Variants in COL5A2 observed in about 807,000 individuals in gnomAD.
COL5A2 encodes the protein collagen alpha-2(V) chain.
COL5A2 carries 23 observed loss-of-function variants against 208.2 expected under a neutral mutation model. That is an observed-to-expected ratio of 0.11 (90% confidence interval 0.08 to 0.16). The LOEUF (loss-of-function observed/expected upper bound fraction) is 0.16, where lower values mean the gene tolerates loss of function less well. Among genes scored for constraint, COL5A2 ranks in the 10% least tolerant of loss-of-function variants. The pLI, the probability that COL5A2 is intolerant of heterozygous loss-of-function variation, is 1.00. For synonymous variants in COL5A2, 625 were observed against 628.5 expected (o/e 0.99, Z 0.08); for missense variants, 1,590 against 1,956.4 (o/e 0.81, Z 3.53).
intron 21 of COL5A2, among the ~76,000 whole-genome samples, chr2:189,067,295 T>C (rs937841810): frequency 6.6e-6 from 1 of 152,128 alleles, no homozygotes; most frequent in Non-Finnish European, 1.5e-5. Flanking sequence ...CCAACTGAAA[T>C]TTAAGTTGTA....
chr2:189,136,852 G>A (rs1687837206), intron 1 of COL5A2, among the ~76,000 whole-genome samples: 1 of 152,012 alleles, frequency 6.6e-6, no homozygotes, highest in South Asian at 2.1e-4. Flanking sequence ...GTTTGGTTCA[G>A]TTAGTAAAAC....
At chr2:189,190,319 G>A (rs1200596249) in intron 1 of COL5A2, among the ~76,000 whole-genome samples, 2 of 152,112 alleles carry the variant, frequency 1.3e-5, no homozygotes, top group Admixed American at 6.5e-5. Flanking sequence ...ATTATTGGAG[G>A]AGTGAGATTT....
upstream of COL5A2, among the ~76,000 whole-genome samples, chr2:189,225,897 G>T (rs1270601897): frequency 6.6e-6 from 1 of 152,060 alleles, no homozygotes. Flanking sequence ...TGCTTTCTCT[G>T]ACTCCTGGGT....
the COL5A2 span, among the ~76,000 whole-genome samples, chr2:189,414,072 G>A: frequency 6.6e-6 from 1 of 152,212 alleles, no homozygotes; most frequent in Non-Finnish European, 1.5e-5. Flanking sequence ...GACTACGGGC[G>A]TGAGCCACTG....
chr2:189,259,726 G>A, the COL5A2 span, among the ~76,000 whole-genome samples: 21 of 152,292 alleles, frequency 1.4e-4, no homozygotes, highest in Middle Eastern at 3.4e-3. Flanking sequence ...ATTTGGCTAC[G>A]TTAACGGACC....
At chr2:189,036,848 T>A in intron 51 of COL5A2, 45 bp from the exon 52 acceptor site, 1 of 1,370,794 alleles carries the variant, frequency 7.3e-7, no homozygotes, top group Middle Eastern at 2.1e-4. Context: ...ACAATCTCAA[T>A]CATGACTATA....
intron 35 of COL5A2, among the ~76,000 whole-genome samples, chr2:189,055,158 C>A (rs1207679413): frequency 6.6e-6 from 1 of 152,202 alleles, no homozygotes; most frequent in Non-Finnish European, 1.5e-5. Flanking sequence ...GCTGGGATTA[C>A]AGGCGTGAGC....
chr2:189,177,767 T>C (rs1688704038), intron 1 of COL5A2, among the ~76,000 whole-genome samples: 1 of 152,204 alleles, frequency 6.6e-6, no homozygotes, highest in Admixed American at 6.5e-5. Flanking sequence ...AATTATCTGC[T>C]CATTTTTCAA....
At chr2:189,207,362 A>G (rs571327748) in intron 1 of COL5A2, among the ~76,000 whole-genome samples, 1 of 152,324 alleles carries the variant, frequency 6.6e-6, no homozygotes, top group East Asian at 1.9e-4. Context: ...AAATAACTCA[A>G]GAAAAAAATT....
rs369130743 is a variant in COL5A2 at position 189,057,359 on chromosome 2, T to C, written c.2298A>G (p.Glu766=). ...GPPGLQGMPG[E]RGIAGTPGPK... Reference sequence around the variant, plus strand: ...GGCCAGGAGTTCCTGCAATTCCTCTTTCTCCCGGCATACCTTGAAGACCTG... The same window carrying C: ...GGCCAGGAGTTCCTGCAATTCCTCTCTCTCCCGGCATACCTTGAAGACCTG... Residue 766 remains glutamate (E), a synonymous_variant, in exon 34 of 54, where the codon GAA becomes GAG. Coordinates refer to ENST00000374866, the MANE Select transcript of COL5A2 (RefSeq NM_000393.5). 4 of 1,613,250 alleles carry C rather than the reference T, an allele frequency of 2.5e-6. No individual in the cohort carries two copies. The highest frequency in any genetic ancestry group is 2.2e-5 in the East Asian group (1 of 44,862).
upstream of COL5A2, among the ~76,000 whole-genome samples, chr2:189,182,629 T>G (rs1163395847): frequency 6.6e-6 from 1 of 152,132 alleles, no homozygotes; most frequent in African/African-American, 2.4e-5. Flanking sequence ...AAATCAGGAC[T>G]TGTAAACCAC....
the COL5A2 span, among the ~76,000 whole-genome samples, chr2:189,374,310 T>A: frequency 6.8e-6 from 1 of 147,894 alleles, no homozygotes; most frequent in Non-Finnish European, 1.5e-5. Context: ...TAGATATCCT[T>A]TTTTTTTTTG....
intron 2 of COL5A2, among the ~76,000 whole-genome samples, chr2:189,109,565 T>C (rs2105710426): frequency 6.6e-6 from 1 of 152,320 alleles, no homozygotes; most frequent in African/African-American, 2.4e-5. Context: ...TTACCTTGTT[T>C]ATTGAAACCT....
intron 1 of COL5A2, among the ~76,000 whole-genome samples, chr2:189,202,391 T>G (rs1356821918): frequency 2.0e-5 from 3 of 152,126 alleles, no homozygotes; most frequent in Non-Finnish European, 4.4e-5. Context: ...TGTTCAGAAT[T>G]CTCATGTGTT....
chr2:189,057,139 G>T, intron 34 of COL5A2, 113 bp from the exon 35 acceptor site: 1 of 1,258,548 alleles, frequency 7.9e-7, no homozygotes, highest in African/African-American at 1.5e-5. Flanking sequence ...GTATCCAGGT[G>T]AGCCTGGGAT....
At chr2:189,123,418 T>C (rs1321085953) in intron 1 of COL5A2, among the ~76,000 whole-genome samples, 2 of 152,140 alleles carry the variant, frequency 1.3e-5, no homozygotes, top group African/African-American at 2.4e-5. Context: ...AATAAGGTCA[T>C]TGAAGATGAC....
At chr2:189,269,079 G>T in the COL5A2 span, among the ~76,000 whole-genome samples, 1 of 152,020 alleles carries the variant, frequency 6.6e-6, no homozygotes, top group Admixed American at 6.6e-5. Context: ...TTCAATGCCA[G>T]GAAATTCATC....
At chr2:189,333,397 T>C in the COL5A2 span, among the ~76,000 whole-genome samples, 1 of 152,186 alleles carries the variant, frequency 6.6e-6, no homozygotes, top group Non-Finnish European at 1.5e-5. Flanking sequence ...AGCTTGTAGA[T>C]ATTAAAAGTA....
At chr2:189,072,765 C>CAAAAAAAAAAAAAAAA (rs58636533) in intron 17 of COL5A2, among the ~76,000 whole-genome samples, 1 of 67,538 alleles carries the variant, frequency 1.5e-5, no homozygotes, top group Non-Finnish European at 2.9e-5. Flanking sequence ...ACTCCATCTC[C>CAAAAAAAAAAAAAAAA]AAAAAAAAAA....
Sources: gnomAD v4.1 joint callset for allele counts (sites outside exome capture counted in the v4.1 genomes callset) on GRCh38, gnomAD v4.1.1 for gene constraint, MANE v1.5 for transcripts, NCBI Gene and HGNC (gene_info 2026-07-23, HGNC 2026-07-21) for gene names.